The following WSCD2 variants were observed in gnomAD, a reference collection of about 807,000 sequenced individuals.
WSCD2 encodes the protein WSC domain sialate O sulfotransferase 2, also known as sialate:O-sulfotransferase 2.
In WSCD2, 28 loss-of-function variants were observed where a neutral mutation model predicts 55.7. The observed-to-expected ratio is 0.50, with a 90% confidence interval of 0.37 to 0.69. The LOEUF (loss-of-function observed/expected upper bound fraction) is 0.69, where lower values mean the gene tolerates loss of function less well. Ranked by LOEUF, WSCD2 falls within the 30% of genes least tolerant of loss-of-function variation. WSCD2 has a pLI of 0.00. For synonymous variants in WSCD2, 301 were observed against 301.9 expected, an observed-to-expected ratio of 1.00 and a Z score of 0.03; for missense variants, 616 against 762.1, an observed-to-expected ratio of 0.81 and a Z score of 2.26.
At chr12:108,184,306 T>C (rs561323575) in intron 1 of WSCD2, among the ~76,000 whole-genome samples, 14 of 152,084 alleles carry the variant, frequency 9.2e-5, no homozygotes, top group Non-Finnish European at 1.8e-4. Context: ...AGACCACCTC[T>C]CCACCACCAC....
At chr12:108,175,379 G>A (rs1245183491) in intron 1 of WSCD2, among the ~76,000 whole-genome samples, 2 of 152,198 alleles carry the variant, frequency 1.3e-5, no homozygotes, top group African/African-American at 2.4e-5. Flanking sequence ...AAGAGAGGAA[G>A]CATGTGCCCG....
rs182311445 is a variant in WSCD2, at chr12:108,207,136, G to A, written c.497+733G>A. Among the ~76,000 whole-genome samples, 3 of 152,282 alleles carry A rather than the reference G, an allele frequency of 2.0e-5. No individual in the cohort carries two copies. In the East Asian group the frequency reaches 5.8e-4, roughly 29 times the overall value. ...AGAGTGGACAAGTCCCCAGAGGCCT[G>A]GTGAACAGGGACAGGACCCCTGGGG... On this transcript the variant is annotated intron_variant, in intron 3 of 8. Transcript: ENST00000547525.
chr12:108,224,750 G>C lies in WSCD2; in HGVS notation c.694G>C (p.Val232Leu). ...CTCTGGCTCTTCAGATGGAAGTGCA[G>C]TGTTCCGGGGCTGCTTCCGCAGGCC... ...QESARRYGSA[V>L]FRGCFRRPDN... Residue 232 changes from valine (V) to leucine (L), a missense_variant, in exon 5 of 9, where the codon GTG (valine) becomes CTG (leucine). This residue lies in a region of WSCD2 where 374 missense variants were observed against 467.4 expected (regional missense o/e 0.80). Transcript: ENST00000547525. The C allele has an allele frequency of 6.2e-7, 1 of 1,612,722 alleles. No individual in the cohort carries two copies. The highest frequency in any genetic ancestry group is 1.3e-5 in the African/African-American group (1 of 75,078).
At chr12:108,166,761 T>TCTCTTTCTTTC (rs1555225182) in intron 1 of WSCD2, among the ~76,000 whole-genome samples, 1 of 124,820 alleles carries the variant, frequency 8.0e-6, no homozygotes, top group East Asian at 2.3e-4. Flanking sequence ...TCTTTCTTTC[T>TCTCTTTCTTTC]TTTCTTTCTT....
chr12:108,137,219 A>G (rs950943519), intron 1 of WSCD2, among the ~76,000 whole-genome samples: 4 of 152,248 alleles, frequency 2.6e-5, no homozygotes, highest in Admixed American at 2.6e-4. Flanking sequence ...GAACAATTAG[A>G]TTAGTTTTAA....
At chr12:108,146,712 C>T (rs1266239959) in intron 1 of WSCD2, among the ~76,000 whole-genome samples, 1 of 152,166 alleles carries the variant, frequency 6.6e-6, no homozygotes, top group African/African-American at 2.4e-5. Flanking sequence ...AGAACTAGGT[C>T]TTTGGACTCA....
intron 1 of WSCD2, among the ~76,000 whole-genome samples, chr12:108,149,070 G>C (rs1456706592): frequency 6.6e-6 from 1 of 152,144 alleles, no homozygotes; most frequent in African/African-American, 2.4e-5. Flanking sequence ...TCTCACTGGC[G>C]TGCTAATTAT....
intron 7 of WSCD2, among the ~76,000 whole-genome samples, chr12:108,233,674 G>C (rs577913983): frequency 6.6e-6 from 1 of 152,262 alleles, no homozygotes; most frequent in South Asian, 2.1e-4. Flanking sequence ...CAAGCTGATT[G>C]GGGATTGCAT....
At chr12:108,181,633 G>A (rs1490928571) in intron 1 of WSCD2, among the ~76,000 whole-genome samples, 2 of 152,202 alleles carry the variant, frequency 1.3e-5, no homozygotes, top group African/African-American at 2.4e-5. Flanking sequence ...TTTAGAGACA[G>A]GGTCTCACTC....
In WSCD2 at chr12:108,129,768, A is replaced by G. The variant is rs973599935; in HGVS notation, c.-710A>G. ...CGGCAGGAGGAGCCTTGGTGGCGAG[A>G]AAGGAAATCCAGGCTCCCCTTTCCT... On this transcript the variant is annotated 5_prime_UTR_variant, in exon 1 of 9. Transcript: ENST00000547525. The G allele has an allele frequency of 2.6e-5, 4 of 152,216 alleles. No individual in the cohort carries two copies. The highest frequency in any genetic ancestry group is 4.4e-5 in the Non-Finnish European group (3 of 68,096). 9.4% of individuals were successfully genotyped at this position (152,216 alleles called of 1,614,324 possible). A position where few individuals can be genotyped will look rare whatever the true frequency, so the allele number is the denominator to read the frequency against.
rs1875240740 is a variant in WSCD2 at position 108,129,410 on chromosome 12, G to A, written c.-1068G>A. 6.6e-6 allele frequency: 1 copy of A among 151,388 alleles called. No individual in the cohort carries two copies. 9.4% of individuals were successfully genotyped at this position (151,388 alleles called of 1,614,324 possible). A position where few individuals can be genotyped will look rare whatever the true frequency, so the allele number is the denominator to read the frequency against. Reference sequence around the variant, plus strand: ...GCGAGGCAGCGAGAGAGAGCCAGGCGGCCGGAGCTCCGCGCCGAGCCGCAG... The same window carrying A: ...GCGAGGCAGCGAGAGAGAGCCAGGCAGCCGGAGCTCCGCGCCGAGCCGCAG... On this transcript the variant is annotated 5_prime_UTR_variant, in exon 1 of 9. Coordinates refer to ENST00000547525, the MANE Select transcript of WSCD2 (RefSeq NM_014653.4).
At chr12:108,199,907 A>C (rs916702741) in intron 2 of WSCD2, among the ~76,000 whole-genome samples, 1 of 152,216 alleles carries the variant, frequency 6.6e-6, no homozygotes, top group African/African-American at 2.4e-5. Context: ...GCCAGCTATT[A>C]TTATTATAAT....
At chr12:108,142,486 A>G (rs1876927161) in intron 1 of WSCD2, among the ~76,000 whole-genome samples, 2 of 152,210 alleles carry the variant, frequency 1.3e-5, no homozygotes, top group South Asian at 2.1e-4. Context: ...TCGCTCAAGT[A>G]CAAGTGCTCC....
At chr12:108,171,522 C>T (rs1354124044) in intron 1 of WSCD2, among the ~76,000 whole-genome samples, 1 of 152,154 alleles carries the variant, frequency 6.6e-6, no homozygotes, top group East Asian at 1.9e-4. Context: ...CTCAATAATG[C>T]TTCACACTTA....
intron 1 of WSCD2, chr12:108,171,870 ATTT>A (rs1880289985): frequency 2.6e-5 from 4 of 152,234 alleles, no homozygotes; most frequent in Non-Finnish European, 5.9e-5. Context: ...AAACTGTATG[ATTT>A]TAAATAAGAA....
chr12:108,162,833 G>A (rs945386911), intron 1 of WSCD2, among the ~76,000 whole-genome samples: 3 of 152,162 alleles, frequency 2.0e-5, no homozygotes, highest in Non-Finnish European at 4.4e-5. Context: ...AAAGTACCCT[G>A]GACTTGGTAA....
At chr12:108,162,176 T>C (rs1879133674) in intron 1 of WSCD2, among the ~76,000 whole-genome samples, 1 of 152,224 alleles carries the variant, frequency 6.6e-6, no homozygotes, top group East Asian at 1.9e-4. Flanking sequence ...GCAGAGGGAC[T>C]GTGACCTCAG....
intron 1 of WSCD2, among the ~76,000 whole-genome samples, chr12:108,181,147 ATCCC>A (rs1881687633): frequency 6.6e-6 from 1 of 152,192 alleles, no homozygotes; most frequent in Admixed American, 6.5e-5. Context: ...GAGCTTATCC[ATCCC>A]CTTAGGAACC....
At chr12:108,174,657 C>T (rs544837197) in intron 1 of WSCD2, among the ~76,000 whole-genome samples, 3 of 152,158 alleles carry the variant, frequency 2.0e-5, no homozygotes, top group Non-Finnish European at 4.4e-5. Flanking sequence ...CTCTGTTGCC[C>T]AGGCTCGAGT....
Sources: gnomAD v4.1 joint callset for allele counts (sites outside exome capture counted in the v4.1 genomes callset) on GRCh38, gnomAD v4.1.1 for gene constraint, gnomAD v4.1.1 regional missense constraint, MANE v1.5 for transcripts, NCBI Gene and HGNC (gene_info 2026-07-23, HGNC 2026-07-21) for gene names.